Variants in TBCK observed in about 807,000 individuals in gnomAD.
TBCK encodes the protein TBC domain-containing protein kinase-like protein.
A neutral mutation model predicts 113.4 loss-of-function variants in TBCK; 99 were observed. The observed-to-expected ratio is 0.87, with a 90% CI of 0.74 to 1.03. The LOEUF is 1.03. Among genes scored for constraint, TBCK ranks in the 50% least tolerant of loss-of-function variants. The probability of loss-of-function intolerance (pLI) is 0.00; values close to 1 mark genes in which losing one functional copy is unlikely to be tolerated. For missense variants in TBCK, 1,045 were observed against 1,061.3 expected (o/e 0.98, Z 0.21); for synonymous variants, 369 against 370.8 (o/e 1.00, Z 0.05).
intron 5 of TBCK, among the ~76,000 whole-genome samples, chr4:106,257,028 A>G (rs1762066663): frequency 6.6e-6 from 1 of 152,180 alleles, no homozygotes; most frequent in Non-Finnish European, 1.5e-5. Context: ...GGATATACTC[A>G]GTATAGTTTT....
intron 24 of TBCK, among the ~76,000 whole-genome samples, chr4:106,099,565 A>G (rs1245619579): frequency 6.6e-6 from 1 of 152,212 alleles, no homozygotes; most frequent in Non-Finnish European, 1.5e-5. Context: ...ACTGATATAA[A>G]AATGATGTTT....
chr4:106,276,752 G>A (rs1764065943), intron 3 of TBCK, among the ~76,000 whole-genome samples: 1 of 151,824 alleles, frequency 6.6e-6, no homozygotes, highest in African/African-American at 2.4e-5. Flanking sequence ...AAAATTGGCC[G>A]GCCGTGGTGG....
intron 23 of TBCK, among the ~76,000 whole-genome samples, chr4:106,122,179 A>G (rs1420301898): frequency 6.6e-6 from 1 of 151,702 alleles, no homozygotes; most frequent in African/African-American, 2.4e-5. Flanking sequence ...ACAATAAAAA[A>G]TGATAAAGGG....
intron 25 of TBCK, among the ~76,000 whole-genome samples, chr4:106,087,195 GCC>G (rs1460305256): frequency 6.6e-6 from 1 of 152,162 alleles, no homozygotes; most frequent in African/African-American, 2.4e-5. Context: ...CATCATCTCA[GCC>G]CCAAAACTTC....
At chr4:106,204,926 C>T (rs901101877) in intron 20 of TBCK, among the ~76,000 whole-genome samples, 1 of 150,776 alleles carries the variant, frequency 6.6e-6, no homozygotes, top group African/African-American at 2.4e-5. Context: ...CCACCGCGCC[C>T]GGCTAATTTT....
rs372478942 is a variant in TBCK, at chr4:106,072,525, A to C, written c.2571+22957T>G. ...CCAATCTTTCTCTCTGGTGCCTGTT[A>C]ACATTTTTTCCTTCATTTTAACCTT... On this transcript the variant is annotated intron_variant, in intron 25 of 25. Coordinates refer to ENST00000394708, the MANE Select transcript of TBCK (RefSeq NM_001163435.3). Among the ~76,000 whole-genome samples the C allele has an allele frequency of 3.9e-5, 6 of 152,246 alleles. No homozygotes were observed. The East Asian group carries it at 5.8e-4, about 15-fold the overall frequency.
chr4:106,281,513 T>G (rs1336362117), intron 3 of TBCK, among the ~76,000 whole-genome samples: 1 of 152,112 alleles, frequency 6.6e-6, no homozygotes, highest in Non-Finnish European at 1.5e-5. Context: ...GTAAAAAGGC[T>G]TTCAGTTTTT....
intron 12 of TBCK, among the ~76,000 whole-genome samples, chr4:106,237,768 T>A (rs1369506873): frequency 6.6e-6 from 1 of 152,160 alleles, no homozygotes; most frequent in Non-Finnish European, 1.5e-5. Context: ...GGTATATCTT[T>A]CATATATTAA....
At chr4:106,122,833 T>A (rs566919917) in intron 23 of TBCK, among the ~76,000 whole-genome samples, 1 of 152,212 alleles carries the variant, frequency 6.6e-6, no homozygotes, top group East Asian at 1.9e-4. Flanking sequence ...CAACCCTTCA[T>A]GCTAAAAACT....
At chr4:106,250,856 G>A (rs1422666712) in intron 6 of TBCK, among the ~76,000 whole-genome samples, 1 of 151,578 alleles carries the variant, frequency 6.6e-6, no homozygotes, top group East Asian at 1.9e-4. Context: ...TTCGCCTACC[G>A]AGCTAATTCT....
intron 24 of TBCK, among the ~76,000 whole-genome samples, chr4:106,097,635 G>C (rs1741078925): frequency 1.3e-5 from 2 of 152,038 alleles, no homozygotes; most frequent in Admixed American, 6.6e-5. Context: ...TGTTTCCTTG[G>C]AAAGTATTTA....
intron 23 of TBCK, among the ~76,000 whole-genome samples, chr4:106,138,343 A>T (rs1387872879): frequency 1.4e-5 from 2 of 140,860 alleles, no homozygotes; most frequent in African/African-American, 2.5e-5. Context: ...ATTTATATTC[A>T]ACTGGCAAAA....
At chr4:106,260,614 C>T in intron 4 of TBCK, 104 bp from the exon 5 acceptor site, 1 of 398,166 alleles carries the variant, frequency 2.5e-6, no homozygotes, top group Non-Finnish European at 4.4e-6. Flanking sequence ...ACTAAAGAAA[C>T]CATTATATAA....
At position 106,219,290 on chromosome 4, in the gene TBCK, C is replaced by T. The variant is rs1008303498; in HGVS notation, c.1775-6455G>A. ...ATGCTAGATGACGAGTTAGTGGGTG[C>T]AGCACACCAGCATGGCACATGTATA... On this transcript the variant is annotated intron_variant, in intron 19 of 25. Coordinates refer to ENST00000394708, the MANE Select transcript of TBCK (RefSeq NM_001163435.3). 2.1e-4 allele frequency among the ~76,000 whole-genome samples: 31 copies of T among 151,216 alleles called. No individual in the cohort carries two copies. The South Asian group carries it at 4.8e-3, about 24-fold the overall frequency.
chr4:106,203,022 T>A (rs1755062096), intron 20 of TBCK, among the ~76,000 whole-genome samples: 1 of 151,990 alleles, frequency 6.6e-6, no homozygotes, highest in African/African-American at 2.4e-5. Flanking sequence ...TAATTTGTGT[T>A]CATAAATCTA....
chr4:106,227,278 T>C (rs959322055), intron 19 of TBCK, among the ~76,000 whole-genome samples: 2 of 152,076 alleles, frequency 1.3e-5, no homozygotes, highest in Non-Finnish European at 2.9e-5. Context: ...GAACACATGA[T>C]TCAATTTGCT....
At chr4:106,257,339 T>C (rs1253931250) in intron 5 of TBCK, among the ~76,000 whole-genome samples, 1 of 152,178 alleles carries the variant, frequency 6.6e-6, no homozygotes, top group East Asian at 1.9e-4. Flanking sequence ...ATAAGTATAA[T>C]CAAAATGTAT....
intron 3 of TBCK, among the ~76,000 whole-genome samples, chr4:106,281,608 G>T (rs1764603183): frequency 6.6e-6 from 1 of 151,888 alleles, no homozygotes; most frequent in African/African-American, 2.4e-5. Context: ...GTTTGTTAAG[G>T]GTTTTTCACC....
chr4:106,243,825 A>G (rs943948370), intron 11 of TBCK, among the ~76,000 whole-genome samples: 1 of 152,002 alleles, frequency 6.6e-6, no homozygotes, highest in Non-Finnish European at 1.5e-5. Flanking sequence ...AGTAGCTAGG[A>G]CTACAGGCAC....
Sources: allele counts gnomAD v4.1 joint callset (sites outside exome capture counted in the v4.1 genomes callset), GRCh38; gene constraint gnomAD v4.1.1; transcripts MANE v1.5; gene names NCBI Gene and HGNC (gene_info 2026-07-23, HGNC 2026-07-21).